EBF2: variants seen among roughly 807,000 people sequenced by gnomAD.
The protein encoded by EBF2 is EBF transcription factor 2.
Under a neutral mutation model 72.8 loss-of-function variants are expected in EBF2, and 21 were observed. The observed-to-expected ratio is 0.29, with a 90% CI of 0.20 to 0.42. The LOEUF is 0.42. Ranked by LOEUF, EBF2 falls within the 10% of genes least tolerant of loss-of-function variation. The pLI is 1.00. For missense variants in EBF2, 637 were observed against 731.2 expected (o/e 0.87, Z 1.49); for synonymous variants, 299 against 274.2 (o/e 1.09, Z -0.89).
chr8:25,904,453 G>A (rs1585189748), intron 7 of EBF2, among the ~76,000 whole-genome samples: 1 of 149,538 alleles, frequency 6.7e-6, no homozygotes, highest in Non-Finnish European at 1.5e-5. Context: ...GGAAGGAGGG[G>A]GGAGAGTTTT....
At chr8:26,028,499 G>C (rs1225678753) in intron 6 of EBF2, among the ~76,000 whole-genome samples, 1 of 152,086 alleles carries the variant, frequency 6.6e-6, no homozygotes, top group Admixed American at 6.5e-5. Context: ...GACTTTTTAT[G>C]GGGCTGACAA....
intron 10 of EBF2, among the ~76,000 whole-genome samples, chr8:25,870,745 T>C (rs142071478): frequency 1.3e-4 from 20 of 152,270 alleles, no homozygotes; most frequent in Non-Finnish European, 2.6e-4. Flanking sequence ...GTATCTTTAC[T>C]ACACTGGGCT....
At chr8:25,928,693 C>G (rs2117142801) in intron 6 of EBF2, among the ~76,000 whole-genome samples, 1 of 145,582 alleles carries the variant, frequency 6.9e-6, no homozygotes, top group East Asian at 2.1e-4. Flanking sequence ...TACAAAGAAG[C>G]TTTAAATGAA....
intron 7 of EBF2, among the ~76,000 whole-genome samples, chr8:25,905,635 A>T (rs1171778694): frequency 6.6e-6 from 1 of 152,214 alleles, no homozygotes; most frequent in African/African-American, 2.4e-5. Context: ...AGAATAGACA[A>T]ACCTATAGAG....
chr8:26,014,681 C>T (rs974224398), intron 6 of EBF2, among the ~76,000 whole-genome samples: 3 of 152,214 alleles, frequency 2.0e-5, no homozygotes, highest in African/African-American at 7.2e-5. Flanking sequence ...AAAATGCCTG[C>T]AGTACATTCA....
chr8:25,932,296 A>AT (rs908479090), intron 6 of EBF2, among the ~76,000 whole-genome samples: 3 of 151,746 alleles, frequency 2.0e-5, no homozygotes, highest in Middle Eastern at 6.8e-3. Flanking sequence ...CTCTTCAACC[A>AT]TTTTTTTAAC....
chr8:25,944,418 G>A (rs1160658053), intron 6 of EBF2, among the ~76,000 whole-genome samples: 1 of 152,126 alleles, frequency 6.6e-6, no homozygotes, highest in Non-Finnish European at 1.5e-5. Flanking sequence ...GATAAGACTA[G>A]AAGTTTTTGC....
intron 6 of EBF2, among the ~76,000 whole-genome samples, chr8:25,973,304 C>T (rs1804219742): frequency 6.6e-6 from 1 of 152,078 alleles, no homozygotes; most frequent in African/African-American, 2.4e-5. Flanking sequence ...AGCTAGATAC[C>T]TTTCTTTCCC....
intron 6 of EBF2, among the ~76,000 whole-genome samples, chr8:25,985,156 C>T (rs905753624): frequency 2.0e-5 from 3 of 152,186 alleles, no homozygotes; most frequent in Admixed American, 6.5e-5. Flanking sequence ...AAGCCTCCAA[C>T]GTCTCAAAGC....
intron 6 of EBF2, among the ~76,000 whole-genome samples, chr8:26,016,013 C>G (rs1192171760): frequency 6.6e-6 from 1 of 152,176 alleles, no homozygotes; most frequent in Non-Finnish European, 1.5e-5. Flanking sequence ...CTCAAATAAC[C>G]TAGAAAGGTT....
At chr8:26,040,448 A>G (rs1402973442) in intron 4 of EBF2, among the ~76,000 whole-genome samples, 168 bp downstream of exon 4, 3 of 151,906 alleles carry the variant, frequency 2.0e-5, no homozygotes, top group African/African-American at 2.4e-5. Context: ...GGAAGAAAAA[A>G]AAAAAAAAAT....
chr8:25,855,584 A>T (rs7817113), intron 14 of EBF2, among the ~76,000 whole-genome samples: 6,438 of 149,602 alleles, frequency 0.043, 196 homozygotes, highest in African/African-American at 0.081. Context: ...GATGCATTTT[A>T]AAAAAAATCA....
intron 10 of EBF2, among the ~76,000 whole-genome samples, chr8:25,885,795 G>C (rs1030731817): frequency 6.6e-6 from 1 of 152,162 alleles, no homozygotes; most frequent in Non-Finnish European, 1.5e-5. Flanking sequence ...TTGGAACTAT[G>C]AGTCCATTGA....
chr8:25,992,528 G>C (rs576448706), intron 6 of EBF2, among the ~76,000 whole-genome samples: 2 of 152,022 alleles, frequency 1.3e-5, no homozygotes, highest in Non-Finnish European at 2.9e-5. Flanking sequence ...AGAGAGTGGA[G>C]AGGATTCAAG....
At chr8:25,942,213 T>A (rs1803686614) in intron 6 of EBF2, among the ~76,000 whole-genome samples, 1 of 152,236 alleles carries the variant, frequency 6.6e-6, no homozygotes, top group Non-Finnish European at 1.5e-5. Context: ...AAACTAGACA[T>A]TTAAAATCTA....
chr8:25,933,156 C>A (rs1353346108), intron 6 of EBF2, among the ~76,000 whole-genome samples: 1 of 152,122 alleles, frequency 6.6e-6, no homozygotes, highest in Non-Finnish European at 1.5e-5. Context: ...GGCCTGGATT[C>A]TATTTCCAGT....
At chr8:26,034,712 T>C (rs1470137961) in intron 5 of EBF2, among the ~76,000 whole-genome samples, 1 of 152,218 alleles carries the variant, frequency 6.6e-6, no homozygotes, top group Admixed American at 6.5e-5. Context: ...GCTAAGGATG[T>C]AGCCTTGACA....
At chr8:26,032,933 G>A (rs577952218) in intron 6 of EBF2, 152 bp downstream of exon 6, 10 of 655,658 alleles carry the variant, frequency 1.5e-5, no homozygotes, top group African/African-American at 1.4e-4. Flanking sequence ...TCCAAGAAAG[G>A]CCAGCATGAG....
intron 6 of EBF2, among the ~76,000 whole-genome samples, chr8:25,989,606 A>C (rs896713940): frequency 6.6e-6 from 1 of 152,230 alleles, no homozygotes; most frequent in African/African-American, 2.4e-5. Context: ...ATTCAGATAC[A>C]TGACAACGCA....
Sources: allele counts gnomAD v4.1 joint callset (sites outside exome capture counted in the v4.1 genomes callset), GRCh38; gene constraint gnomAD v4.1.1; transcripts MANE v1.5; gene names NCBI Gene and HGNC (gene_info 2026-07-23, HGNC 2026-07-21).